GATA2: variants seen among roughly 807,000 people sequenced by gnomAD.
GATA2 encodes GATA binding protein 2.
A neutral mutation model predicts 35.7 loss-of-function variants in GATA2; 6 were observed. That is an observed-to-expected ratio of 0.17 (90% CI 0.09 to 0.33). The LOEUF (loss-of-function observed/expected upper bound fraction) is 0.33, where lower values mean the gene tolerates loss of function less well. GATA2 is among the 10% of genes least tolerant of loss of function. The pLI is 1.00. For missense variants in GATA2, 541 were observed against 656.6 expected, an observed-to-expected ratio of 0.82 and a Z score of 1.92; for synonymous variants, 313 against 274.9, an observed-to-expected ratio of 1.14 and a Z score of -1.37.
chr3:128,487,036 G>A lies in GATA2; in HGVS notation c.-5C>T, dbSNP rs374415484. The A allele has an allele frequency of 1.9e-6, 3 of 1,554,656 alleles. No individual in the cohort carries two copies. Among genetic ancestry groups the A allele is most frequent in the Non-Finnish European group, 2.6e-6 (3 of 1,146,720 alleles). Reference sequence around the variant, plus strand: ...CTGCTCGGGCGCCACCTCCATGGCCGGCGGCGGCGGCTCAGGGTCTGGGTG... The same window carrying A: ...CTGCTCGGGCGCCACCTCCATGGCCAGCGGCGGCGGCTCAGGGTCTGGGTG... On this transcript the variant is annotated 5_prime_UTR_variant, in exon 2 of 6. Transcript: ENST00000341105.
chr3:128,483,740 C>A, intron 4 of GATA2, 120 bp downstream of exon 4: 2 of 1,362,576 alleles, frequency 1.5e-6, no homozygotes, highest in Non-Finnish European at 2.1e-6. Flanking sequence ...CAGTGCTTTT[C>A]ATGATAAAAG....
intron 5 of GATA2, among the ~76,000 whole-genome samples, 169 bp downstream of exon 5, chr3:128,481,650 A>G (rs2068629856): frequency 1.3e-5 from 2 of 151,856 alleles, no homozygotes; most frequent in Admixed American, 1.3e-4. Context: ...CCACCTCCTG[A>G]GCAGAGGCAA....
At chr3:128,487,514 C>T (rs2068719039) in intron 1 of GATA2, among the ~76,000 whole-genome samples, 1 of 152,188 alleles carries the variant, frequency 6.6e-6, no homozygotes, top group African/African-American at 2.4e-5. Context: ...GCGCCAGATA[C>T]ACATACTGAT....
rs1466363148 is a variant in GATA2, at chr3:128,480,143, G to A, written c.*876C>T. 2.6e-5 allele frequency: 6 copies of A among 233,138 alleles called. No individual in the cohort carries two copies. Among genetic ancestry groups the A allele is most frequent in the South Asian group, 1.8e-4 (1 of 5,526 alleles). The allele number at this position is 233,138 out of a possible 1,614,324, so 14.4% of individuals were successfully genotyped here. A position where few individuals can be genotyped will look rare whatever the true frequency, so the allele number is the denominator to read the frequency against. On this transcript the variant is annotated 3_prime_UTR_variant, in exon 6 of 6. Transcript: ENST00000341105. ...AAAATAAAACAATTAACTCATCAGCGAGTTAAGCCTATGCATTTTTTTAAT... is the reference window on the plus strand; with the variant it reads ...AAAATAAAACAATTAACTCATCAGCAAGTTAAGCCTATGCATTTTTTTAAT...
intron 5 of GATA2, 148 bp from the exon 6 acceptor site, chr3:128,481,466 A>T: frequency 2.2e-6 from 2 of 916,182 alleles, no homozygotes; most frequent in African/African-American, 3.2e-5. Flanking sequence ...CCATCACCAG[A>T]TGGCTACCAT....
intron 1 of GATA2, among the ~76,000 whole-genome samples, chr3:128,491,499 A>C (rs1986452): frequency 0.43 from 64,713 of 152,108 alleles, 14,108 homozygotes; most frequent in African/African-American, 0.47. Context: ...AGATGGGTTC[A>C]GAAGTTCCCT....
At chr3:128,484,056 C>T (rs761633322) in intron 3 of GATA2, 51 bp from the exon 4 acceptor site, 9 of 1,598,348 alleles carry the variant, frequency 5.6e-6, no homozygotes, top group South Asian at 4.4e-5. Flanking sequence ...GGCAAGTTCT[C>T]GGGAGGGAGT....
Position 128,493,161 on chromosome 3 carries a change from T to G in GATA2, c.-308A>C, listed in dbSNP as rs941681666. The stretch of plus-strand genomic sequence containing the variant: ...TGAGCAGCGAGTCCCGGGGCGACGC[T>G]GGCCTCGCTACCTTCCTGGCGCTCA... On this transcript the variant is annotated 5_prime_UTR_variant, in exon 1 of 6. Coordinates refer to ENST00000341105, the MANE Select transcript of GATA2 (RefSeq NM_032638.5). The G allele has an allele frequency of 2.0e-5, 3 of 151,092 alleles. No homozygotes were observed. Among genetic ancestry groups the G allele is most frequent in the African/African-American group, 7.3e-5 (3 of 41,280 alleles). The allele number at this position is 151,092 out of a possible 1,614,324, so 9.4% of individuals were successfully genotyped here.
chr3:128,483,131 C>T (rs545236005), intron 4 of GATA2, among the ~76,000 whole-genome samples: 2 of 152,362 alleles, frequency 1.3e-5, no homozygotes, highest in Admixed American at 1.3e-4. Flanking sequence ...AAGCAGGGAA[C>T]GATTTAAGCC....
intron 4 of GATA2, 138 bp from the exon 5 acceptor site, chr3:128,482,082 G>A (rs927937240): frequency 3.7e-6 from 4 of 1,091,334 alleles, no homozygotes; most frequent in African/African-American, 3.2e-5. Context: ...AAGCATCTCA[G>A]AACCATGGAA....
In GATA2 at chr3:128,481,792, G is replaced by A. The variant is rs763157226; in HGVS notation, c.1143+27C>T. The A allele has an allele frequency of 1.3e-5, 21 of 1,606,308 alleles. No homozygotes were observed. In the East Asian group the frequency reaches 2.5e-4, roughly 19 times the overall value. On this transcript the variant is annotated intron_variant, in intron 5 of 5. Transcript: ENST00000341105. ...AGCGCAGAGGTCCCCTGGGAGGGGC[G>A]GGGTGGCCGGGGCGGGGCGCACTCA...
chr3:128,482,811 T>C (rs755421729), intron 4 of GATA2, among the ~76,000 whole-genome samples: 33 of 152,204 alleles, frequency 2.2e-4, no homozygotes, highest in South Asian at 1.5e-3. Context: ...AGATCCCCTC[T>C]CCCGGTTCCA....
rs1193932784 is a variant in GATA2, at chr3:128,493,200, T to TC, written c.-348dup. 6 of 138,496 alleles carry TC rather than the reference T, an allele frequency of 4.3e-5. No homozygotes were observed. The highest frequency in any genetic ancestry group is 7.8e-5 in the Non-Finnish European group (5 of 64,142). 8.6% of individuals were successfully genotyped at this position (138,496 alleles called of 1,614,324 possible). On this transcript the variant is annotated 5_prime_UTR_variant, in exon 1 of 6. Coordinates refer to ENST00000341105, the MANE Select transcript of GATA2 (RefSeq NM_032638.5). ...TCCTGGCGCTCACGCTGCCTCTCTC[T>TC]CCCCCACCGGCCGCAACGCGGCTTT...
rs773253575 is a variant in GATA2, at chr3:128,480,939, G to A, written c.*80C>T. 3.7e-5 allele frequency: 53 copies of A among 1,425,064 alleles called. 1 individual carries two copies. The Admixed American group carries it at 3.9e-4, about 10-fold the overall frequency. 88.3% of individuals were successfully genotyped at this position (1,425,064 alleles called of 1,614,324 possible). A position where few individuals can be genotyped will look rare whatever the true frequency, so the allele number is the denominator to read the frequency against. Reference sequence around the variant, plus strand: ...GAGCCGGGCTGGCAGGAGTGGTGTCGGCCTTCGGGAAATGCTGGGCTGCTA... The same window carrying A: ...GAGCCGGGCTGGCAGGAGTGGTGTCAGCCTTCGGGAAATGCTGGGCTGCTA... On this transcript the variant is annotated 3_prime_UTR_variant, in exon 6 of 6. Transcript: ENST00000341105.
chr3:128,483,822 C>T (rs749893021), intron 4 of GATA2, 38 bp downstream of exon 4: 2 of 1,613,894 alleles, frequency 1.2e-6, no homozygotes, highest in South Asian at 1.1e-5. Flanking sequence ...CAGCTCCTGC[C>T]CAGCAGCCCC....
At position 128,480,708 on chromosome 3, in the gene GATA2, C is replaced by T. The variant is rs2068614627; in HGVS notation, c.*311G>A. 2.6e-6 allele frequency: 1 copy of T among 385,558 alleles called. No homozygotes were observed. Among genetic ancestry groups the T allele is most frequent in the African/African-American group, 2.1e-5 (1 of 48,728 alleles). The allele number at this position is 385,558 out of a possible 1,614,324, so 23.9% of individuals were successfully genotyped here. ...AAATTATTTTTGCCTAATCCTTTTT[C>T]CTTCTAAAAATGGTTGCCTTCGTCT... On this transcript the variant is annotated 3_prime_UTR_variant, in exon 6 of 6. Transcript: ENST00000341105.
At position 128,479,693 on chromosome 3, in the gene GATA2, A is replaced by C. The variant is rs1344526124; in HGVS notation, c.*1326T>G. The C allele has an allele frequency of 8.6e-6, 2 of 233,562 alleles. No individual in the cohort carries two copies. The highest frequency in any genetic ancestry group is 1.7e-5 in the Non-Finnish European group (2 of 118,034). 14.5% of individuals were successfully genotyped at this position (233,562 alleles called of 1,614,324 possible). On this transcript the variant is annotated 3_prime_UTR_variant, in exon 6 of 6. Coordinates refer to ENST00000341105, the MANE Select transcript of GATA2 (RefSeq NM_032638.5). ...CCCGCCCATATTGCACTTGGTCACT[A>C]CATCAGCACAATCCTCCTCCTGGGC...
chr3:128,487,102 G>A, intron 1 of GATA2, 26 bp from the exon 2 acceptor site: 1 of 1,317,448 alleles, frequency 7.6e-7, no homozygotes, highest in South Asian at 1.4e-5. Context: ...GGAGTGAGGC[G>A]TGCCGCCAGC....
intron 1 of GATA2, among the ~76,000 whole-genome samples, chr3:128,491,827 G>A (rs1016242512): frequency 6.6e-6 from 1 of 152,088 alleles, no homozygotes; most frequent in African/African-American, 2.4e-5. Context: ...GCTGAGACCC[G>A]GAGACAATCG....
Sources: gnomAD v4.1 joint callset for allele counts (sites outside exome capture counted in the v4.1 genomes callset) on GRCh38, gnomAD v4.1.1 for gene constraint, MANE v1.5 for transcripts, NCBI Gene and HGNC (gene_info 2026-07-23, HGNC 2026-07-21) for gene names.